BCAS3: variants seen among roughly 807,000 people sequenced by gnomAD.
BCAS3 encodes BCAS3 microtubule associated cell migration factor.
In BCAS3, 53 loss-of-function variants were observed where a neutral mutation model predicts 116.1. That is an observed-to-expected ratio of 0.46 (90% CI 0.37 to 0.57). The LOEUF (loss-of-function observed/expected upper bound fraction) is 0.57. Among genes scored for constraint, BCAS3 ranks in the 20% least tolerant of loss-of-function variants. The pLI, the probability that BCAS3 is intolerant of heterozygous loss-of-function variation, is 0.00. For missense variants in BCAS3, 917 were observed against 1,165.4 expected, an observed-to-expected ratio of 0.79 and a Z score of 3.10; for synonymous variants, 391 against 408.2, an observed-to-expected ratio of 0.96 and a Z score of 0.51.
intron 7 of BCAS3, among the ~76,000 whole-genome samples, chr17:60,839,162 T>C (rs2051648586): frequency 6.6e-6 from 1 of 152,250 alleles, no homozygotes; most frequent in Non-Finnish European, 1.5e-5. Flanking sequence ...TCATTGTATT[T>C]GTTTACCATT....
intron 22 of BCAS3, among the ~76,000 whole-genome samples, chr17:61,252,113 A>G (rs190252755): frequency 2.0e-5 from 3 of 152,372 alleles, no homozygotes. Flanking sequence ...CTCCAAAACT[A>G]TAAAACATTT....
intron 14 of BCAS3, among the ~76,000 whole-genome samples, chr17:60,988,655 C>T: frequency 6.6e-6 from 1 of 151,926 alleles, no homozygotes; most frequent in Non-Finnish European, 1.5e-5. Flanking sequence ...TTATCCATTT[C>T]TTCTAGATTT....
Position 61,034,863 on chromosome 17 carries a change from C to T in BCAS3, c.1762+73C>T, listed in dbSNP as rs941725003. The T allele has an allele frequency of 1.5e-5, 22 of 1,447,876 alleles. No individual in the cohort carries two copies. In the African/African-American group the frequency reaches 2.9e-4, roughly 19 times the overall value. The allele number at this position is 1,447,876 out of a possible 1,614,324, so 89.7% of individuals were successfully genotyped here. A position where few individuals can be genotyped will look rare whatever the true frequency, so the allele number is the denominator to read the frequency against. ...TCTTAAGGAAAATTTTTAGCAGTTT[C>T]CCTAGAATAATCTTGTACCCAGTAG... On this transcript the variant is annotated intron_variant, in intron 17 of 23. Transcript: ENST00000407086. The surrounding 1 kb of genome is among the most constrained non-coding windows in gnomAD (Gnocchi z 5.0).
rs999814834 is a variant in BCAS3 at position 61,381,780 on chromosome 17, G to A, written c.2594-10197G>A. Among the ~76,000 whole-genome samples, 1 of 152,194 alleles carries A rather than the reference G, an allele frequency of 6.6e-6. No homozygotes were observed. The highest frequency in any genetic ancestry group is 6.5e-5 in the Admixed American group (1 of 15,284). On this transcript the variant is annotated intron_variant, in intron 23 of 23. Coordinates refer to ENST00000407086, the MANE Select transcript of BCAS3 (RefSeq NM_017679.5). The surrounding 1 kb of genome is among the most constrained non-coding windows in gnomAD (Gnocchi z 6.0). ...ACGCAGATGCCATGTGTGCCTGTATGTGGTTCTGGTTCTCTGGTAGGGTTG... is the reference window on the plus strand; with the variant it reads ...ACGCAGATGCCATGTGTGCCTGTATATGGTTCTGGTTCTCTGGTAGGGTTG...
Position 60,960,143 on chromosome 17 carries a change from T to C in BCAS3, c.1221+12791T>C, listed in dbSNP as rs532557374. On this transcript the variant is annotated intron_variant, in intron 14 of 23. Transcript: ENST00000407086. This position sits in a 1 kb window ranked among gnomAD's most constrained non-coding sequence, Gnocchi z 4.1. ...GGGGCTATAATTCACTTCTCTGTAT[T>C]CTATCCTCTGCCTCCCAGAATTCAT... Among the ~76,000 whole-genome samples the C allele has an allele frequency of 1.2e-4, 19 of 152,306 alleles. No homozygotes were observed. Among genetic ancestry groups the C allele is most frequent in the African/African-American group, 4.1e-4 (17 of 41,566 alleles).
intron 22 of BCAS3, among the ~76,000 whole-genome samples, chr17:61,142,312 A>G (rs568543008): frequency 1.3e-5 from 2 of 152,200 alleles, no homozygotes; most frequent in African/African-American, 2.4e-5. Flanking sequence ...CTTAACTACT[A>G]TAGTACAGCG....
chr17:60,720,870 C>T (rs115565255), intron 5 of BCAS3, among the ~76,000 whole-genome samples: 53 of 152,222 alleles, frequency 3.5e-4, no homozygotes, highest in African/African-American at 1.3e-3. Flanking sequence ...ACTGTATTTT[C>T]TTTTCAAAAG....
chr17:60,846,361 A>G (rs1198434317), intron 7 of BCAS3, among the ~76,000 whole-genome samples: 1 of 152,208 alleles, frequency 6.6e-6, no homozygotes, highest in African/African-American at 2.4e-5. Flanking sequence ...GTTTAATAGC[A>G]TCACCAAGTT....
chr17:61,193,952 A>T (rs1037352506), intron 22 of BCAS3, among the ~76,000 whole-genome samples: 2 of 151,194 alleles, frequency 1.3e-5, no homozygotes, highest in Admixed American at 6.6e-5. Flanking sequence ...CCCCGTCTAT[A>T]CTAAAAACAC....
Position 61,307,604 on chromosome 17 carries a change from C to T in BCAS3, c.2426-60723C>T, listed in dbSNP as rs1234454583. Among the ~76,000 whole-genome samples, 3 of 152,060 alleles carry T rather than the reference C, an allele frequency of 2.0e-5. No individual in the cohort carries two copies. Among genetic ancestry groups the T allele is most frequent in the Non-Finnish European group, 2.9e-5 (2 of 68,010 alleles). ...ATGAGATTTTACCAAAATAAATTAG[C>T]GTTCATAAATAAAAGGAGCTATATA... On this transcript the variant is annotated intron_variant, in intron 22 of 23. Transcript: ENST00000407086. This position sits in a 1 kb window ranked among gnomAD's most constrained non-coding sequence, Gnocchi z 4.7.
chr17:60,731,865 G>A (rs1178692794), intron 5 of BCAS3, among the ~76,000 whole-genome samples: 1 of 148,410 alleles, frequency 6.7e-6, no homozygotes. Flanking sequence ...TGCAACCACC[G>A]CCTTCCAGGT....
At position 61,097,034 on chromosome 17, in the gene BCAS3, C is replaced by CA. The variant is rs1485964334; in HGVS notation, c.2425+12473dup. Among the ~76,000 whole-genome samples the CA allele has an allele frequency of 6.6e-6, 1 of 152,100 alleles. No homozygotes were observed. On this transcript the variant is annotated intron_variant, in intron 22 of 23. Coordinates refer to ENST00000407086, the MANE Select transcript of BCAS3 (RefSeq NM_017679.5). The surrounding 1 kb of genome is among the most constrained non-coding windows in gnomAD (Gnocchi z 4.0). Reference sequence around the variant, plus strand: ...TCCAAAGTTAATGAAAGACATAAGTCAAAGTTTTAAGAAACTCAGTGTATG... The same window carrying CA: ...TCCAAAGTTAATGAAAGACATAAGTCAAAAGTTTTAAGAAACTCAGTGTATG...
At chr17:61,178,651 G>T (rs888228736) in intron 22 of BCAS3, among the ~76,000 whole-genome samples, 3 of 152,110 alleles carry the variant, frequency 2.0e-5, no homozygotes, top group African/African-American at 7.2e-5. Flanking sequence ...CAATACAAAT[G>T]TATAATATAA....
rs1345604014 is a variant in BCAS3, at chr17:61,349,475, T to G, written c.2426-18852T>G. 6.8e-6 allele frequency among the ~76,000 whole-genome samples: 1 copy of G among 147,942 alleles called. No individual in the cohort carries two copies. On this transcript the variant is annotated intron_variant, in intron 22 of 23. Coordinates refer to ENST00000407086, the MANE Select transcript of BCAS3 (RefSeq NM_017679.5). The surrounding 1 kb of genome is among the most constrained non-coding windows in gnomAD (Gnocchi z 4.7). ...TTCTGCACTTAGATTATTGGTCCAG[T>G]GGAAATTCTGCACTTAGATTATTGG...
intron 5 of BCAS3, among the ~76,000 whole-genome samples, chr17:60,710,852 G>A (rs1414448815): frequency 4.0e-5 from 6 of 148,874 alleles, no homozygotes; most frequent in East Asian, 2.0e-4. Flanking sequence ...ACCCAGGCTC[G>A]AGGGCAGTGG....
intron 22 of BCAS3, among the ~76,000 whole-genome samples, chr17:61,147,485 A>G (rs1242607040): frequency 6.6e-6 from 1 of 152,152 alleles, no homozygotes; most frequent in Non-Finnish European, 1.5e-5. Flanking sequence ...GGCCTCCAAA[A>G]GTGCTGGGAT....
At chr17:61,329,584 A>G (rs944534922) in intron 22 of BCAS3, among the ~76,000 whole-genome samples, 3 of 149,730 alleles carry the variant, frequency 2.0e-5, no homozygotes, top group South Asian at 2.1e-4. Context: ...CTTGTGATCC[A>G]CCGGCCTCGG....
chr17:61,381,289 C>A lies in BCAS3; in HGVS notation c.2594-10688C>A, dbSNP rs1168482248. Among the ~76,000 whole-genome samples, 1 of 152,220 alleles carries A rather than the reference C, an allele frequency of 6.6e-6. No individual in the cohort carries two copies. The highest frequency in any genetic ancestry group is 1.5e-5 in the Non-Finnish European group (1 of 68,036). ...AAATGGAAAGGCTCGCCTGAGCCAG[C>A]TGAATTGAATAATGAATAGAGCCCC... On this transcript the variant is annotated intron_variant, in intron 23 of 23. Coordinates refer to ENST00000407086, the MANE Select transcript of BCAS3 (RefSeq NM_017679.5). The surrounding 1 kb of genome is among the most constrained non-coding windows in gnomAD (Gnocchi z 6.0).
At chr17:61,268,481 A>G (rs1341338708) in intron 22 of BCAS3, among the ~76,000 whole-genome samples, 2 of 152,194 alleles carry the variant, frequency 1.3e-5, no homozygotes, top group African/African-American at 4.8e-5. Flanking sequence ...TATGTATATT[A>G]TGGTACAACA....
Sources: gnomAD v4.1 joint callset for allele counts (sites outside exome capture counted in the v4.1 genomes callset) on GRCh38, gnomAD v4.1.1 for gene constraint, Gnocchi (gnomAD v3.1) non-coding constraint, MANE v1.5 for transcripts, NCBI Gene and HGNC (gene_info 2026-07-23, HGNC 2026-07-21) for gene names.